Variants in CHN1 observed in about 807,000 individuals in gnomAD.
The protein encoded by CHN1 is chimerin 1, also known as N-chimaerin.
In CHN1, 37 loss-of-function variants were observed where a neutral mutation model predicts 59.5. That is an observed-to-expected ratio of 0.62 (90% confidence interval 0.48 to 0.82). CHN1 has a LOEUF of 0.82. CHN1 is among the 40% of genes least tolerant of loss of function. CHN1 has a pLI of 0.00. For synonymous variants in CHN1, 206 were observed against 200.4 expected, an observed-to-expected ratio of 1.03 and a Z score of -0.24; for missense variants, 469 against 571.0, an observed-to-expected ratio of 0.82 and a Z score of 1.82.
chr2:174,824,614 C>CTATATATA lies in CHN1; in HGVS notation c.628-104_628-97dup, dbSNP rs149952097. 1,390 of 451,620 alleles carry CTATATATA rather than the reference C, an allele frequency of 3.1e-3. 18 individuals carry two copies. Among genetic ancestry groups the CTATATATA allele is most frequent in the African/African-American group, 0.023 (1,167 of 49,850 alleles). The allele number at this position is 451,620 out of a possible 1,614,324, so 28.0% of individuals were successfully genotyped here. ...AGCACTAATATACAAGCCACATATT[C>CTATATATA]TATATATATATATATATGAGAGAAA... On this transcript the variant is annotated intron_variant, in intron 7 of 12. Transcript: ENST00000409900.
chr2:174,887,703 T>A (rs1323375590), intron 5 of CHN1, among the ~76,000 whole-genome samples: 1 of 152,214 alleles, frequency 6.6e-6, no homozygotes, highest in African/African-American at 2.4e-5. Flanking sequence ...AGGCTATGTA[T>A]CTTTTAGAGC....
chr2:174,848,756 T>G (rs1000084685), intron 6 of CHN1, among the ~76,000 whole-genome samples: 7 of 152,178 alleles, frequency 4.6e-5, no homozygotes, highest in Admixed American at 4.6e-4. Flanking sequence ...TAGTCCCTTT[T>G]ATTTTTCTAA....
At position 174,887,424 on chromosome 2, in the gene CHN1, T is replaced by C. The variant is rs181927772; in HGVS notation, c.261-9296A>G. Among the ~76,000 whole-genome samples the C allele has an allele frequency of 2.0e-5, 3 of 152,328 alleles. No individual in the cohort carries two copies. The East Asian group carries it at 5.8e-4, about 29-fold the overall frequency. On this transcript the variant is annotated intron_variant, in intron 5 of 12. Coordinates refer to ENST00000409900, the MANE Select transcript of CHN1 (RefSeq NM_001822.7). ...TTTTAATAATACTATCTAATACTTT[T>C]TGAGTGTTATATCCTAGGCACTATG...
At chr2:175,004,385 C>G (rs1332139525) in intron 1 of CHN1, among the ~76,000 whole-genome samples, 1 of 152,158 alleles carries the variant, frequency 6.6e-6, no homozygotes, top group Non-Finnish European at 1.5e-5. Flanking sequence ...AATTTTAACC[C>G]ATATTCAGTT....
chr2:174,948,384 C>A (rs1232654104), intron 2 of CHN1, among the ~76,000 whole-genome samples: 1 of 152,128 alleles, frequency 6.6e-6, no homozygotes. Context: ...GGCTTGCTTG[C>A]CTCATTTATT....
chr2:174,943,084 TA>T (rs1689716723), intron 3 of CHN1, among the ~76,000 whole-genome samples: 1 of 151,918 alleles, frequency 6.6e-6, no homozygotes, highest in Admixed American at 6.6e-5. Flanking sequence ...AATAAGTAAA[TA>T]AATAAATAAA....
chr2:174,904,188 G>A (rs539667242), intron 5 of CHN1, among the ~76,000 whole-genome samples: 2 of 151,834 alleles, frequency 1.3e-5, no homozygotes, highest in East Asian at 2.0e-4. Context: ...GCTTGAACCC[G>A]GGAGGTGGAG....
chr2:174,799,877 T>C lies in CHN1; in HGVS notation c.*239A>G, dbSNP rs748953391. 8 of 615,972 alleles carry C rather than the reference T, an allele frequency of 1.3e-5. No individual in the cohort carries two copies. The highest frequency in any genetic ancestry group is 3.0e-5 in the South Asian group (2 of 65,904). 38.2% of individuals were successfully genotyped at this position (615,972 alleles called of 1,614,324 possible). ...GCCAGATAGGGGGCTAATCATGCAA[T>C]AGCTTGAGTTTCTCTGAACGTGATA... On this transcript the variant is annotated 3_prime_UTR_variant, in exon 13 of 13. Transcript: ENST00000409900.
At chr2:174,921,138 T>G in intron 3 of CHN1, 1 of 323,746 alleles carries the variant, frequency 3.1e-6, no homozygotes, top group South Asian at 2.6e-5. Context: ...CCTCCTGCTG[T>G]GCAGCCTGGT....
At chr2:174,889,488 C>T (rs955171787) in intron 5 of CHN1, among the ~76,000 whole-genome samples, 1 of 151,538 alleles carries the variant, frequency 6.6e-6, no homozygotes, top group Non-Finnish European at 1.5e-5. Context: ...TGAACAATAT[C>T]AAGGAAAAAA....
chr2:174,875,001 G>A (rs1381579831), intron 6 of CHN1, among the ~76,000 whole-genome samples: 1 of 149,656 alleles, frequency 6.7e-6, no homozygotes, highest in Non-Finnish European at 1.5e-5. Context: ...AGCCTTCCTA[G>A]TAGCTGGGAT....
rs374164446 is a variant in CHN1, at chr2:174,931,204, C to T, written c.115-12639G>A. 7.4e-4 allele frequency among the ~76,000 whole-genome samples: 113 copies of T among 151,988 alleles called. 1 individual carries two copies. In the South Asian group the frequency reaches 0.015, roughly 20 times the overall value. ...AATGGTTGGTTTCAATAATTCGCAG[C>T]TATCACTCAGCATTCATATAAAATG... On this transcript the variant is annotated intron_variant, in intron 3 of 12. Coordinates refer to ENST00000409900, the MANE Select transcript of CHN1 (RefSeq NM_001822.7).
At chr2:174,800,507 G>A (rs1399581475) in intron 12 of CHN1, among the ~76,000 whole-genome samples, 1 of 152,228 alleles carries the variant, frequency 6.6e-6, no homozygotes, top group African/African-American at 2.4e-5. Flanking sequence ...GCTCAAGCCT[G>A]AGTTAATGTG....
intron 4 of CHN1, among the ~76,000 whole-genome samples, chr2:174,917,348 C>T (rs1688876984): frequency 1.3e-5 from 2 of 151,850 alleles, no homozygotes; most frequent in Middle Eastern, 3.4e-3. Flanking sequence ...GCAGGAGAAT[C>T]GCTTGAACCC....
chr2:174,990,260 T>TGAGAGA (rs1163852070), intron 1 of CHN1, among the ~76,000 whole-genome samples: 2 of 98,684 alleles, frequency 2.0e-5, no homozygotes, highest in African/African-American at 3.7e-5. Flanking sequence ...TGTGTGTGTG[T>TGAGAGA]GTGAGAGAGA....
chr2:174,950,911 G>C (rs1463870245), intron 2 of CHN1, among the ~76,000 whole-genome samples: 1 of 151,774 alleles, frequency 6.6e-6, no homozygotes, highest in African/African-American at 2.4e-5. Context: ...TCCCAAGTAG[G>C]TGGGACTACA....
At chr2:174,838,869 G>A (rs1399273615) in intron 7 of CHN1, among the ~76,000 whole-genome samples, 1 of 151,806 alleles carries the variant, frequency 6.6e-6, no homozygotes, top group Non-Finnish European at 1.5e-5. Flanking sequence ...ACAAAAATGT[G>A]GTGTGTGTTT....
chr2:174,921,301 A>AT (rs1380030800), intron 3 of CHN1, among the ~76,000 whole-genome samples: 4 of 152,106 alleles, frequency 2.6e-5, no homozygotes, highest in African/African-American at 7.2e-5. Flanking sequence ...TAATAGATAC[A>AT]TTTTTTCCTG....
chr2:174,922,756 T>C (rs1279646979), intron 3 of CHN1, among the ~76,000 whole-genome samples: 2 of 152,052 alleles, frequency 1.3e-5, no homozygotes, highest in Non-Finnish European at 2.9e-5. Context: ...TATACACCAA[T>C]AGGGCAATAA....
Sources: gnomAD v4.1 joint callset for allele counts (sites outside exome capture counted in the v4.1 genomes callset) on GRCh38, gnomAD v4.1.1 for gene constraint, MANE v1.5 for transcripts, NCBI Gene and HGNC (gene_info 2026-07-23, HGNC 2026-07-21) for gene names.